The following NOVA1 variants were observed in gnomAD, a reference collection of about 807,000 sequenced individuals.
NOVA1 encodes RNA-binding protein Nova-1.
A neutral mutation model predicts 38.0 loss-of-function variants in NOVA1; 7 were observed. The observed-to-expected ratio is 0.18, with a 90% CI of 0.10 to 0.35. The LOEUF (loss-of-function observed/expected upper bound fraction) is 0.35, where lower values mean the gene tolerates loss of function less well. Ranked by LOEUF, NOVA1 falls within the 10% of genes least tolerant of loss-of-function variation. The pLI is 1.00. For synonymous variants in NOVA1, 270 were observed against 232.5 expected (o/e 1.16, Z -1.47); for missense variants, 460 against 616.0 (o/e 0.75, Z 2.68).
intron 3 of NOVA1, chr14:26,479,692 T>C (rs1885280700): frequency 5.2e-6 from 2 of 384,408 alleles, no homozygotes; most frequent in Non-Finnish European, 4.6e-6. Context: ...ATTCAATTCC[T>C]ATAAATTAAA....
At chr14:26,455,172 C>T (rs1883059194) in intron 4 of NOVA1, among the ~76,000 whole-genome samples, 1 of 152,098 alleles carries the variant, frequency 6.6e-6, no homozygotes, top group Non-Finnish European at 1.5e-5. Flanking sequence ...TGTCTAATAT[C>T]TCTCATAAAA....
intron 2 of NOVA1, among the ~76,000 whole-genome samples, chr14:26,505,522 C>T (rs148063029): frequency 1.9e-3 from 287 of 152,112 alleles, no homozygotes; most frequent in Middle Eastern, 3.4e-3. Flanking sequence ...TCAATTAAAC[C>T]GATTTTTTAA....
intron 2 of NOVA1, among the ~76,000 whole-genome samples, chr14:26,585,515 A>T (rs923767581): frequency 6.6e-6 from 1 of 151,352 alleles, no homozygotes; most frequent in Admixed American, 6.6e-5. Flanking sequence ...GCATACTTCT[A>T]ATATATCACT....
At chr14:26,525,451 C>G (rs1023957013) in intron 2 of NOVA1, among the ~76,000 whole-genome samples, 14 of 152,078 alleles carry the variant, frequency 9.2e-5, no homozygotes, top group Non-Finnish European at 5.9e-5. Context: ...CACAAAAGAA[C>G]CTGTGACAGT....
intron 4 of NOVA1, among the ~76,000 whole-genome samples, chr14:26,458,962 T>C (rs1883424157): frequency 6.6e-6 from 1 of 152,064 alleles, no homozygotes; most frequent in Non-Finnish European, 1.5e-5. Context: ...AAGCAAAAAG[T>C]TATACTAACC....
chr14:26,591,083 A>G (rs564354688), intron 2 of NOVA1, among the ~76,000 whole-genome samples: 12 of 151,874 alleles, frequency 7.9e-5, no homozygotes, highest in African/African-American at 2.9e-4. Flanking sequence ...ATGTTAATAC[A>G]GATTGCGCTA....
Position 26,502,944 on chromosome 14 carries a change from T to C in NOVA1, c.281-22801A>G, listed in dbSNP as rs577379187. Among the ~76,000 whole-genome samples the C allele has an allele frequency of 2.0e-5, 3 of 152,178 alleles. No individual in the cohort carries two copies. In the South Asian group the frequency reaches 6.2e-4, roughly 32 times the overall value. ...GTTAAACAATGTTCTTCATAGTTGT[T>C]TTTTCTCCTAATTGAGGATCAATCA... On this transcript the variant is annotated intron_variant, in intron 2 of 4. Transcript: ENST00000539517.
chr14:26,525,082 G>C (rs1889202606), intron 2 of NOVA1, among the ~76,000 whole-genome samples: 1 of 152,126 alleles, frequency 6.6e-6, no homozygotes, highest in Non-Finnish European at 1.5e-5. Context: ...TGATTTCAGA[G>C]TAAAACATTC....
At position 26,595,519 on chromosome 14, in the gene NOVA1, A is replaced by C. The variant is rs1296400556; in HGVS notation, c.171T>G (p.Pro57=). ...DGQYFLKVLI[P]SYAAGSIIGK... is the part of the protein sequence containing the mutation. Reference sequence around the variant, plus strand: ...CAATTATAGATCCAGCAGCATAACTAGGTATGAGAACCTTTAGAAAATACT... The same window carrying C: ...CAATTATAGATCCAGCAGCATAACTCGGTATGAGAACCTTTAGAAAATACT... Residue 57 remains proline (P), a synonymous_variant, in exon 2 of 5, where the codon CCT becomes CCG. Coordinates refer to ENST00000539517, the MANE Select transcript of NOVA1 (RefSeq NM_002515.3). The C allele has an allele frequency of 6.2e-7, 1 of 1,613,794 alleles. No homozygotes were observed. The highest frequency in any genetic ancestry group is 8.5e-7 in the Non-Finnish European group (1 of 1,179,794).
At chr14:26,595,256 T>C (rs988084242) in intron 2 of NOVA1, among the ~76,000 whole-genome samples, 154 bp downstream of exon 2, 3 of 152,136 alleles carry the variant, frequency 2.0e-5, no homozygotes, top group African/African-American at 7.2e-5. Context: ...ATAGAAATAA[T>C]CTGAAAATTT....
chr14:26,483,421 T>C (rs1885619842), intron 2 of NOVA1, among the ~76,000 whole-genome samples: 1 of 152,188 alleles, frequency 6.6e-6, no homozygotes, highest in South Asian at 2.1e-4. Context: ...TTTAAAGACA[T>C]TGATAGAGTT....
intron 2 of NOVA1, among the ~76,000 whole-genome samples, chr14:26,564,774 A>T (rs1420117336): frequency 6.6e-6 from 1 of 152,144 alleles, no homozygotes; most frequent in Non-Finnish European, 1.5e-5. Context: ...TAATATATAA[A>T]CAATATGGTT....
chr14:26,596,541 G>A (rs1747951285), intron 1 of NOVA1: 1 of 1,288,798 alleles, frequency 7.8e-7, no homozygotes, highest in Non-Finnish European at 1.0e-6. Flanking sequence ...ACCCCCATCC[G>A]TCTACAATGC....
chr14:26,501,284 C>T (rs1887225637), intron 2 of NOVA1, among the ~76,000 whole-genome samples: 1 of 151,922 alleles, frequency 6.6e-6, no homozygotes, highest in Admixed American at 6.6e-5. Context: ...TAATATCATT[C>T]TTAGTTTACT....
intron 2 of NOVA1, among the ~76,000 whole-genome samples, chr14:26,539,689 G>A (rs1157377125): frequency 1.5e-4 from 23 of 152,076 alleles, no homozygotes; most frequent in Non-Finnish European, 4.4e-5. Flanking sequence ...ATTTTTAAGA[G>A]ACTGCATTTA....
At chr14:26,573,588 T>C (rs765947948) in intron 2 of NOVA1, among the ~76,000 whole-genome samples, 2 of 152,060 alleles carry the variant, frequency 1.3e-5, no homozygotes, top group South Asian at 4.1e-4. Context: ...CTAAAAAGAA[T>C]AGAGAATTCT....
intron 2 of NOVA1, among the ~76,000 whole-genome samples, chr14:26,544,621 C>T (rs1890674864): frequency 1.3e-5 from 2 of 151,746 alleles, no homozygotes; most frequent in South Asian, 4.2e-4. Flanking sequence ...ATTCATTAAA[C>T]ATTTTCTTCA....
chr14:26,519,844 T>A (rs1392379981), intron 2 of NOVA1, among the ~76,000 whole-genome samples: 3 of 152,114 alleles, frequency 2.0e-5, no homozygotes, highest in Non-Finnish European at 4.4e-5. Flanking sequence ...ATTTTTTTCT[T>A]AATTTATATT....
chr14:26,459,117 T>C (rs1246968167), intron 4 of NOVA1, among the ~76,000 whole-genome samples: 1 of 152,074 alleles, frequency 6.6e-6, no homozygotes, highest in East Asian at 1.9e-4. Flanking sequence ...CCCAGAGCAA[T>C]TTCCAGCTCT....
Sources: allele counts gnomAD v4.1 joint callset (sites outside exome capture counted in the v4.1 genomes callset), GRCh38; gene constraint gnomAD v4.1.1; transcripts MANE v1.5; gene names NCBI Gene and HGNC (gene_info 2026-07-23, HGNC 2026-07-21).